Variants in RAF1 observed in about 807,000 individuals in gnomAD.
The protein encoded by RAF1 is RAF proto-oncogene serine/threonine-protein kinase.
A neutral mutation model predicts 81.1 loss-of-function variants in RAF1; 27 were observed. The observed-to-expected ratio is 0.33, with a 90% CI of 0.25 to 0.46. The LOEUF is 0.46. Among genes scored for constraint, RAF1 ranks in the 20% least tolerant of loss-of-function variants. The probability of loss-of-function intolerance (pLI) is 1.00; values close to 1 mark genes in which losing one functional copy is unlikely to be tolerated. For missense variants in RAF1, 598 were observed against 826.0 expected (o/e 0.72, Z 3.38); for synonymous variants, 298 against 294.0 (o/e 1.01, Z -0.14).
At position 12,610,441 on chromosome 3, in the gene RAF1, C is replaced by T. The variant is rs140263838; in HGVS notation, c.321-1106G>A. Among the ~76,000 whole-genome samples, 298 of 152,302 alleles carry T rather than the reference C, an allele frequency of 2.0e-3. 1 individual carries two copies. The highest frequency in any genetic ancestry group is 6.3e-3 in the African/African-American group (261 of 41,556). ...GCAGACTGATCCTAGTGACAATCTG[C>T]TGTCTGTCCTAGAGACTCCAGAGTA... On this transcript the variant is annotated intron_variant, in intron 3 of 17. Coordinates refer to ENST00000442415, the MANE Select transcript of RAF1 (RefSeq NM_001354689.3).
intron 1 of RAF1, among the ~76,000 whole-genome samples, chr3:12,639,173 C>G (rs553685591): frequency 4.6e-5 from 7 of 152,188 alleles, no homozygotes; most frequent in Middle Eastern, 3.4e-3. Context: ...ATTCAACAGC[C>G]CTTCATGCTA....
chr3:12,628,966 G>A (rs1484407574), intron 1 of RAF1, among the ~76,000 whole-genome samples: 1 of 152,048 alleles, frequency 6.6e-6, no homozygotes, highest in East Asian at 1.9e-4. Flanking sequence ...GGCCAGGCTG[G>A]TCTCAAACTC....
intron 1 of RAF1, among the ~76,000 whole-genome samples, chr3:12,642,485 C>T (rs560741867): frequency 6.6e-6 from 1 of 151,402 alleles, no homozygotes; most frequent in African/African-American, 2.4e-5. Flanking sequence ...GCACTCCAGC[C>T]TGGGCAACAG....
intron 1 of RAF1, among the ~76,000 whole-genome samples, chr3:12,632,288 C>T (rs1311607440): frequency 6.9e-6 from 1 of 145,842 alleles, no homozygotes; most frequent in Non-Finnish European, 1.5e-5. Flanking sequence ...TGCACCGTTG[C>T]ACTCCAGCCT....
At chr3:12,645,765 G>T (rs907068759) in intron 1 of RAF1, among the ~76,000 whole-genome samples, 3 of 151,938 alleles carry the variant, frequency 2.0e-5, no homozygotes, top group Non-Finnish European at 4.4e-5. Flanking sequence ...GGTGAGGGGG[G>T]TGTCTCACTA....
intron 14 of RAF1, among the ~76,000 whole-genome samples, chr3:12,586,352 C>T (rs944244992): frequency 6.6e-5 from 10 of 152,054 alleles, no homozygotes; most frequent in African/African-American, 2.2e-4. Flanking sequence ...GAACTGAAGT[C>T]GGCTCGCTTC....
At chr3:12,632,324 C>A (rs866518140) in intron 1 of RAF1, among the ~76,000 whole-genome samples, 913 of 123,104 alleles carry the variant, frequency 7.4e-3, no homozygotes, top group East Asian at 9.7e-3. Flanking sequence ...AACTCCGTCT[C>A]AAAAAAAAAA....
At chr3:12,658,718 G>A (rs1018589955) in intron 1 of RAF1, among the ~76,000 whole-genome samples, 3 of 152,150 alleles carry the variant, frequency 2.0e-5, no homozygotes, top group Non-Finnish European at 4.4e-5. Flanking sequence ...CCGTAAACTA[G>A]CTTTAGGATT....
chr3:12,637,457 G>A (rs1559472176), intron 1 of RAF1, among the ~76,000 whole-genome samples: 3 of 151,818 alleles, frequency 2.0e-5, no homozygotes, highest in Non-Finnish European at 4.4e-5. Context: ...TAGAGACAGG[G>A]TTTCGACACG....
chr3:12,598,553 T>G lies in RAF1; in HGVS notation c.1168+1138A>C, dbSNP rs191058277. On this transcript the variant is annotated intron_variant, in intron 11 of 17. Transcript: ENST00000442415. The stretch of plus-strand genomic sequence containing the variant: ...TTGGAGACCAGCCTGGGCAACATAG[T>G]GAGACCTTGTCTCTACAAAAGGTAA... Among the ~76,000 whole-genome samples, 3 of 151,772 alleles carry G rather than the reference T, an allele frequency of 2.0e-5. No individual in the cohort carries two copies. In the East Asian group the frequency reaches 5.8e-4, roughly 30 times the overall value.
chr3:12,644,295 G>A (rs1214758177), intron 1 of RAF1, among the ~76,000 whole-genome samples: 1 of 152,094 alleles, frequency 6.6e-6, no homozygotes, highest in Admixed American at 6.6e-5. Context: ...CTAAATCTGA[G>A]GCATAAATGT....
At chr3:12,590,327 CT>C (rs11285580) in intron 13 of RAF1, 145,284 of 150,112 alleles carry the variant, frequency 0.97, 70,250 homozygotes, top group Middle Eastern at 0.99. Flanking sequence ...CTGAACTTCT[CT>C]TTTTTTTTTT....
In RAF1 at chr3:12,663,905, G is replaced by T; in HGVS notation, c.-119C>A. On this transcript the variant is annotated 5_prime_UTR_variant, in exon 1 of 18. Coordinates refer to ENST00000442415, the MANE Select transcript of RAF1 (RefSeq NM_001354689.3). ...GCGGCGGGTGAGGGAGCGGGAGGCG[G>T]TCACATTCGGCGCGTCCCCAGCCCA... 2.5e-6 allele frequency: 1 copy of T among 398,220 alleles called. No individual in the cohort carries two copies. The highest frequency in any genetic ancestry group is 4.4e-6 in the Non-Finnish European group (1 of 225,756). The allele number at this position is 398,220 out of a possible 1,614,324, so 24.7% of individuals were successfully genotyped here.
intron 1 of RAF1, among the ~76,000 whole-genome samples, chr3:12,652,055 T>TA: frequency 7.4e-6 from 1 of 134,936 alleles, no homozygotes; most frequent in Non-Finnish European, 1.6e-5. Context: ...AATAAATAAA[T>TA]GATATAAAAA....
At position 12,585,634 on chromosome 3, in the gene RAF1, C is replaced by G. The variant is rs1055409778; in HGVS notation, c.1596+47G>C. The G allele has an allele frequency of 2.0e-6, 3 of 1,492,014 alleles. No individual in the cohort carries two copies. In the South Asian group the frequency reaches 3.4e-5, roughly 17 times the overall value. 92.4% of individuals were successfully genotyped at this position (1,492,014 alleles called of 1,614,324 possible). Reference sequence around the variant, plus strand: ...TTTGCACATAAATCTCCAAGGCATTCCTTTTGCCCTATACCAGAGACTGCT... The same window carrying G: ...TTTGCACATAAATCTCCAAGGCATTGCTTTTGCCCTATACCAGAGACTGCT... On this transcript the variant is annotated intron_variant, in intron 15 of 17. Transcript: ENST00000442415.
chr3:12,606,927 G>A (rs956580078), intron 5 of RAF1, among the ~76,000 whole-genome samples: 1 of 152,066 alleles, frequency 6.6e-6, no homozygotes, highest in Non-Finnish European at 1.5e-5. Flanking sequence ...CTGACCTCAG[G>A]TGATTCACCT....
rs1466261579 is a variant in RAF1, at chr3:12,583,808, G to A, written c.*706C>T. ...GTTAGAGAAACAAGGCTGGCCCTGC[G>A]GCCCCGCCCCATAGGGGCAGCTCCT... On this transcript the variant is annotated 3_prime_UTR_variant, in exon 18 of 18. Coordinates refer to ENST00000442415, the MANE Select transcript of RAF1 (RefSeq NM_001354689.3). 6 of 233,452 alleles carry A rather than the reference G, an allele frequency of 2.6e-5. No homozygotes were observed. Among genetic ancestry groups the A allele is most frequent in the South Asian group, 3.6e-4 (2 of 5,538 alleles). 14.5% of individuals were successfully genotyped at this position (233,452 alleles called of 1,614,324 possible).
At chr3:12,644,866 G>C (rs890049221) in intron 1 of RAF1, among the ~76,000 whole-genome samples, 1 of 152,228 alleles carries the variant, frequency 6.6e-6, no homozygotes, top group African/African-American at 2.4e-5. Flanking sequence ...TTGGGAGGCA[G>C]AGATGGGTGG....
At chr3:12,585,634 C>A (rs1055409778) in intron 15 of RAF1, 47 bp downstream of exon 14, 1 of 1,492,014 alleles carries the variant, frequency 6.7e-7, no homozygotes, top group Non-Finnish European at 9.4e-7. Context: ...CCAAGGCATT[C>A]CTTTTGCCCT....
Sources: allele counts gnomAD v4.1 joint callset (sites outside exome capture counted in the v4.1 genomes callset), GRCh38; gene constraint gnomAD v4.1.1; transcripts MANE v1.5; gene names NCBI Gene and HGNC (gene_info 2026-07-23, HGNC 2026-07-21).